Variants in SERPINB12 observed in about 807,000 individuals in gnomAD.
The protein encoded by SERPINB12 is serpin B12.
Under a neutral mutation model 41.1 loss-of-function variants are expected in SERPINB12, and 57 were observed. The observed-to-expected ratio is 1.39, with a 90% confidence interval of 1.12 to 1.73. The LOEUF (loss-of-function observed/expected upper bound fraction) is 1.73. Ranked by LOEUF, SERPINB12 falls within the 40% of genes most tolerant of loss-of-function variation. The probability of loss-of-function intolerance (pLI) is 0.00; values close to 1 mark genes in which losing one functional copy is unlikely to be tolerated. For synonymous variants in SERPINB12, 180 were observed against 181.3 expected (o/e 0.99, Z 0.06); for missense variants, 536 against 501.9 (o/e 1.07, Z -0.65).
rs1418776259 is a variant in SERPINB12, at chr18:63,558,503, GA to G, written c.303+21del. 4 of 1,596,408 alleles carry G rather than the reference GA, an allele frequency of 2.5e-6. No individual in the cohort carries two copies. The highest frequency in any genetic ancestry group is 3.4e-6 in the Non-Finnish European group (4 of 1,174,528). ...GATCAGCAGGTGAACCGCCACCGTA[GA>G]AAACTCTTGCCTTTCTTTTTTACAA... On this transcript the variant is annotated intron_variant, in intron 3 of 7. Transcript: ENST00000382768.
At chr18:63,561,227 G>A (rs759899510) in intron 5 of SERPINB12, 25 bp downstream of exon 5, 2 of 1,395,214 alleles carry the variant, frequency 1.4e-6, no homozygotes, top group Admixed American at 3.4e-5. Flanking sequence ...AAGCACGGGA[G>A]CTGGTATTGG....
intron 1 of SERPINB12, among the ~76,000 whole-genome samples, 182 bp downstream of exon 1, chr18:63,542,674 G>A (rs750958493): frequency 2.6e-5 from 4 of 152,152 alleles, no homozygotes; most frequent in Non-Finnish European, 4.4e-5. Flanking sequence ...GGGTGTATGT[G>A]TGCAGGTTTG....
At chr18:63,525,315 A>G in the SERPINB12 span, among the ~76,000 whole-genome samples, 1 of 152,160 alleles carries the variant, frequency 6.6e-6, no homozygotes, top group African/African-American at 2.4e-5. Context: ...ACAGAATTGT[A>G]TATACTAATT....
In SERPINB12 at chr18:63,558,487, G is replaced by T; in HGVS notation, c.303+1G>T. On this transcript the variant is annotated splice_donor_variant, in intron 3 of 7. Coordinates refer to ENST00000382768, the MANE Select transcript of SERPINB12 (RefSeq NM_001307928.2). LOFTEE classifies it high-confidence loss of function. Reference sequence around the variant, plus strand: ...AACGACAGAGCCTCTGGATCAGCAGGTGAACCGCCACCGTAGAAAACTCTT... The same window carrying T: ...AACGACAGAGCCTCTGGATCAGCAGTTGAACCGCCACCGTAGAAAACTCTT... 1 of 1,607,752 alleles carries T rather than the reference G, an allele frequency of 6.2e-7. No individual in the cohort carries two copies. Among genetic ancestry groups the T allele is most frequent in the Non-Finnish European group, 8.5e-7 (1 of 1,178,314 alleles).
At chr18:63,554,006 T>C (rs1182304159) in intron 1 of SERPINB12, among the ~76,000 whole-genome samples, 1 of 152,172 alleles carries the variant, frequency 6.6e-6, no homozygotes, top group Admixed American at 6.5e-5. Flanking sequence ...GATCTATGAT[T>C]ACCCTGAAAT....
chr18:63,524,276 A>C, the SERPINB12 span, among the ~76,000 whole-genome samples: 2 of 152,080 alleles, frequency 1.3e-5, no homozygotes, highest in African/African-American at 4.8e-5. Context: ...AATTGATTAC[A>C]CACAAAATTT....
chr18:63,536,832 T>C, the SERPINB12 span, among the ~76,000 whole-genome samples: 2 of 152,154 alleles, frequency 1.3e-5, no homozygotes. Flanking sequence ...ATGTTTTAAC[T>C]TTATCACATA....
chr18:63,530,572 C>T, the SERPINB12 span, among the ~76,000 whole-genome samples: 11 of 152,172 alleles, frequency 7.2e-5, no homozygotes, highest in Non-Finnish European at 1.5e-4. Context: ...AGATGAAAGT[C>T]AGGTGGCTGT....
rs750771817 is a variant in SERPINB12, at chr18:63,567,383, C to T, written c.*372C>T. 3.9e-5 allele frequency among the ~76,000 whole-genome samples: 6 copies of T among 152,144 alleles called. No homozygotes were observed. The highest frequency in any genetic ancestry group is 1.9e-4 in the East Asian group (1 of 5,196). Reference sequence around the variant, plus strand: ...CACTTTAACATGGGCAGCAAGAGAACATGTTTGACTGGAACGTGTTTGGAA... The same window carrying T: ...CACTTTAACATGGGCAGCAAGAGAATATGTTTGACTGGAACGTGTTTGGAA... On this transcript the variant is annotated 3_prime_UTR_variant, in exon 8 of 8. Transcript: ENST00000382768.
chr18:63,531,953 C>T, the SERPINB12 span, among the ~76,000 whole-genome samples: 1 of 152,070 alleles, frequency 6.6e-6, no homozygotes, highest in Admixed American at 6.6e-5. Flanking sequence ...ATAAGGTAAC[C>T]ATGTAATCAC....
intron 1 of SERPINB12, among the ~76,000 whole-genome samples, 96 bp downstream of exon 1, chr18:63,542,588 T>C (rs1419486703): frequency 6.6e-6 from 1 of 152,210 alleles, no homozygotes; most frequent in Non-Finnish European, 1.5e-5. Flanking sequence ...AGGTCTTCAT[T>C]CTTGGGATCA....
At chr18:63,549,749 T>G (rs561981943) in intron 1 of SERPINB12, among the ~76,000 whole-genome samples, 209 of 151,934 alleles carry the variant, frequency 1.4e-3, no homozygotes, top group Non-Finnish European at 2.7e-3. Flanking sequence ...TGCTAGGAGG[T>G]CCTTTCTACA....
At chr18:63,543,474 A>G (rs1306253351) in intron 1 of SERPINB12, among the ~76,000 whole-genome samples, 1 of 152,210 alleles carries the variant, frequency 6.6e-6, no homozygotes, top group Non-Finnish European at 1.5e-5. Flanking sequence ...CTTGATACAT[A>G]ATTGTTCAAC....
At chr18:63,532,134 A>T in the SERPINB12 span, among the ~76,000 whole-genome samples, 1 of 152,140 alleles carries the variant, frequency 6.6e-6, no homozygotes, top group South Asian at 2.1e-4. Context: ...CTTATTTTCT[A>T]CTAGGGAAGA....
Position 63,556,172 on chromosome 18 carries a change from G to T in SERPINB12, c.13G>T (p.Val5Phe). Reference protein sequence around the residue: MDSLVTANTKFCFDL... With the variant: MDSLFTANTKFCFDL... ...TATAAGTTTTACAATGGACTCTCTT[G>T]TTACAGCAAACACCAAATTTTGCTT... Residue 5 changes from valine (V) to phenylalanine (F), a missense_variant, in exon 2 of 8, where the codon GTT becomes TTT. Physicochemically the swap from Val to Phe is conservative, Grantham distance 50. Transcript: ENST00000382768. 1 of 1,613,164 alleles carries T rather than the reference G, an allele frequency of 6.2e-7. No homozygotes were observed. Among genetic ancestry groups the T allele is most frequent in the African/African-American group, 1.3e-5 (1 of 74,826 alleles).
chr18:63,565,268 A>G (rs553450515), intron 6 of SERPINB12, among the ~76,000 whole-genome samples, 177 bp from the exon 7 acceptor site: 1 of 152,274 alleles, frequency 6.6e-6, no homozygotes, highest in African/African-American at 2.4e-5. Flanking sequence ...GTGTTGGCAA[A>G]GTAAGGGCCA....
At chr18:63,546,707 G>C (rs145674323) in intron 1 of SERPINB12, among the ~76,000 whole-genome samples, 1,934 of 152,258 alleles carry the variant, frequency 0.013, 30 homozygotes, top group Admixed American at 0.036. Context: ...AAAGAGCAAA[G>C]AAAATATAAG....
chr18:63,566,803 C>G lies in SERPINB12; in HGVS notation c.1070C>G (p.Pro357Arg). ...RADLTGISPS[P>R]NLYLSKIIHK... The stretch of plus-strand genomic sequence containing the variant: ...GATCTTACTGGAATCTCTCCAAGTC[C>G]CAATTTGTACTTGTCAAAAATTATC... The change falls in exon 8 of 8, where the codon CCC (proline) becomes CGC (arginine). Residue 357 changes from proline (P) to arginine (R), a missense_variant. Coordinates refer to ENST00000382768, the MANE Select transcript of SERPINB12 (RefSeq NM_001307928.2). 1 of 1,614,080 alleles carries G rather than the reference C, an allele frequency of 6.2e-7. No homozygotes were observed. Among genetic ancestry groups the G allele is most frequent in the Non-Finnish European group, 8.5e-7 (1 of 1,180,000 alleles).
the SERPINB12 span, among the ~76,000 whole-genome samples, chr18:63,535,045 A>G: frequency 1.6e-4 from 24 of 152,330 alleles, no homozygotes; most frequent in Admixed American, 5.9e-4. Flanking sequence ...ATGCTCAGTC[A>G]GAATATTGCT....
Sources: allele counts gnomAD v4.1 joint callset (sites outside exome capture counted in the v4.1 genomes callset), GRCh38; gene constraint gnomAD v4.1.1; transcripts MANE v1.5; gene names NCBI Gene and HGNC (gene_info 2026-07-23, HGNC 2026-07-21).